The following SLC24A3 variants were observed in gnomAD, a reference collection of about 807,000 sequenced individuals.
SLC24A3 encodes the protein sodium/potassium/calcium exchanger 3.
SLC24A3 carries 28 observed loss-of-function variants against 75.8 expected under a neutral mutation model. The observed-to-expected ratio is 0.37, with a 90% CI of 0.27 to 0.51. SLC24A3 has a LOEUF of 0.51. Among genes scored for constraint, SLC24A3 ranks in the 20% least tolerant of loss-of-function variants. SLC24A3 has a pLI of 0.94. For missense variants in SLC24A3, 663 were observed against 847.8 expected, an observed-to-expected ratio of 0.78 and a Z score of 2.71; for synonymous variants, 372 against 334.1, an observed-to-expected ratio of 1.11 and a Z score of -1.24.
chr20:19,295,661 GA>G (rs1984039783), intron 2 of SLC24A3, among the ~76,000 whole-genome samples: 1 of 152,218 alleles, frequency 6.6e-6, no homozygotes, highest in East Asian at 1.9e-4. Context: ...TACATTTATT[GA>G]CTTGCATATG....
rs562334585 is a variant in SLC24A3 at position 19,447,980 on chromosome 20, T to C, written c.272-67508T>C. On this transcript the variant is annotated intron_variant, in intron 2 of 16. Transcript: ENST00000328041. The stretch of plus-strand genomic sequence containing the variant: ...AGGGACATATGACTTCTTAGGTCCC[T>C]CTGACCCCAGACTTTCATCGTTTCA... Among the ~76,000 whole-genome samples the C allele has an allele frequency of 6.6e-5, 10 of 152,364 alleles. No homozygotes were observed. The South Asian group carries it at 2.1e-3, about 32-fold the overall frequency.
At chr20:19,291,173 A>C (rs6106055) in intron 2 of SLC24A3, among the ~76,000 whole-genome samples, 1 of 152,136 alleles carries the variant, frequency 6.6e-6, no homozygotes, top group Non-Finnish European at 1.5e-5. Flanking sequence ...GCCTTGGGGC[A>C]CATCTCCCGG....
chr20:19,341,447 G>T (rs150843204), intron 2 of SLC24A3, among the ~76,000 whole-genome samples: 1 of 152,170 alleles, frequency 6.6e-6, no homozygotes, highest in South Asian at 2.1e-4. Context: ...GTGCCTGTGG[G>T]GTGTGTTCTG....
intron 7 of SLC24A3, among the ~76,000 whole-genome samples, chr20:19,659,034 T>G (rs1387820955): frequency 6.6e-6 from 1 of 152,234 alleles, no homozygotes. Flanking sequence ...AAAGAAATAC[T>G]TTATTTTTAC....
intron 1 of SLC24A3, among the ~76,000 whole-genome samples, chr20:19,268,315 T>C (rs1256486264): frequency 6.6e-6 from 1 of 152,232 alleles, no homozygotes; most frequent in Non-Finnish European, 1.5e-5. Flanking sequence ...ATGTATTTCT[T>C]ATTTTTAGAG....
intron 15 of SLC24A3, among the ~76,000 whole-genome samples, chr20:19,707,901 GA>G (rs1311797689): frequency 2.6e-5 from 4 of 152,202 alleles, no homozygotes; most frequent in African/African-American, 4.8e-5. Flanking sequence ...CTGAAGTTCA[GA>G]GGCAAGGTCT....
intron 2 of SLC24A3, among the ~76,000 whole-genome samples, chr20:19,426,584 A>G (rs780218201): frequency 3.0e-4 from 46 of 152,350 alleles, no homozygotes; most frequent in Non-Finnish European, 5.4e-4. Context: ...TATCACAAAT[A>G]ATGCTGTGGT....
At chr20:19,335,628 AATTTTGC>A (rs2122299215) in intron 2 of SLC24A3, among the ~76,000 whole-genome samples, 1 of 152,318 alleles carries the variant, frequency 6.6e-6, no homozygotes, top group Admixed American at 6.5e-5. Flanking sequence ...ATGGTTAGGC[AATTTTGC>A]CTAGTCCTTT....
intron 9 of SLC24A3, among the ~76,000 whole-genome samples, chr20:19,677,686 C>CTTTTTTTTTTT (rs796484728): frequency 1.6e-3 from 179 of 113,468 alleles, no homozygotes; most frequent in Middle Eastern, 5.1e-3. Flanking sequence ...TTTTTTTTTT[C>CTTTTTTTTTTT]TTTTTTTTTT....
At chr20:19,457,079 A>G (rs557860459) in intron 2 of SLC24A3, among the ~76,000 whole-genome samples, 199 of 152,370 alleles carry the variant, frequency 1.3e-3, no homozygotes, top group African/African-American at 4.6e-3. Flanking sequence ...AAGGGCATCC[A>G]GAAAAATGTC....
intron 2 of SLC24A3, among the ~76,000 whole-genome samples, chr20:19,409,847 G>GTATA (rs548789154): frequency 3.1e-3 from 450 of 146,262 alleles, no homozygotes; most frequent in African/African-American, 5.1e-3. Flanking sequence ...GTGTGTGTGT[G>GTATA]TATATATATA....
intron 7 of SLC24A3, among the ~76,000 whole-genome samples, chr20:19,654,641 C>CTTT (rs34507566): frequency 8.0e-4 from 72 of 89,954 alleles, no homozygotes; most frequent in African/African-American, 1.6e-3. Context: ...AAATAGAATC[C>CTTT]TTTTTTTTTT....
At chr20:19,433,715 C>T (rs578206008) in intron 2 of SLC24A3, among the ~76,000 whole-genome samples, 3 of 152,244 alleles carry the variant, frequency 2.0e-5, no homozygotes, top group Non-Finnish European at 2.9e-5. Flanking sequence ...AAAAATAGTG[C>T]GTAGCAATAG....
intron 2 of SLC24A3, among the ~76,000 whole-genome samples, chr20:19,435,291 A>G (rs1987178377): frequency 1.3e-5 from 2 of 152,356 alleles, no homozygotes; most frequent in South Asian, 4.1e-4. Context: ...CACTTCACTG[A>G]CATGATTAAG....
intron 3 of SLC24A3, among the ~76,000 whole-genome samples, chr20:19,542,672 T>C (rs4813362): frequency 0.88 from 134,223 of 152,230 alleles, 59,277 homozygotes; most frequent in Middle Eastern, 0.92. Context: ...TCAGCCCAGA[T>C]TGAGGCTGTG....
At chr20:19,230,398 C>A (rs78905345) in intron 1 of SLC24A3, among the ~76,000 whole-genome samples, 1,563 of 152,198 alleles carry the variant, frequency 0.01, 42 homozygotes, top group African/African-American at 0.036. Flanking sequence ...GAACCTTATT[C>A]ATTATAATTT....
intron 9 of SLC24A3, among the ~76,000 whole-genome samples, chr20:19,680,132 G>C (rs527326536): frequency 6.7e-6 from 1 of 150,122 alleles, no homozygotes; most frequent in African/African-American, 2.5e-5. Flanking sequence ...GTGTGTGTCT[G>C]TGTGTGTCTC....
chr20:19,619,811 G>T (rs1275100954), intron 6 of SLC24A3, among the ~76,000 whole-genome samples: 1 of 152,204 alleles, frequency 6.6e-6, no homozygotes, highest in Non-Finnish European at 1.5e-5. Flanking sequence ...AGCTGATAGG[G>T]TCTTAAAAGA....
intron 3 of SLC24A3, among the ~76,000 whole-genome samples, chr20:19,527,472 T>C (rs2030219867): frequency 6.6e-6 from 1 of 151,998 alleles, no homozygotes; most frequent in Admixed American, 6.6e-5. Flanking sequence ...GCTCTGGGGG[T>C]TTCATCAGTC....
Sources: allele counts gnomAD v4.1 joint callset (sites outside exome capture counted in the v4.1 genomes callset), GRCh38; gene constraint gnomAD v4.1.1; transcripts MANE v1.5; gene names NCBI Gene and HGNC (gene_info 2026-07-23, HGNC 2026-07-21).